LHFPL2: variants seen among roughly 807,000 people sequenced by gnomAD.
LHFPL2 encodes the protein LHFPL tetraspan subfamily member 2.
LHFPL2 carries 7 observed loss-of-function variants against 17.5 expected under a neutral mutation model. The observed-to-expected ratio is 0.40, with a 90% confidence interval of 0.23 to 0.75. The LOEUF is 0.75. LHFPL2 is among the 30% of genes least tolerant of loss of function. The pLI, the probability that LHFPL2 is intolerant of heterozygous loss-of-function variation, is 0.37. For missense variants in LHFPL2, 241 were observed against 294.8 expected, an observed-to-expected ratio of 0.82 and a Z score of 1.34; for synonymous variants, 134 against 116.2, an observed-to-expected ratio of 1.15 and a Z score of -0.99.
chr5:78,590,287 C>G (rs551947134), intron 2 of LHFPL2: 1 of 152,200 alleles, frequency 6.6e-6, no homozygotes, highest in South Asian at 2.1e-4. Context: ...CATTATCTTT[C>G]CGCCTTGACA....
chr5:78,507,969 CACACACAT>C (rs1279609324), intron 4 of LHFPL2, among the ~76,000 whole-genome samples: 6 of 151,064 alleles, frequency 4.0e-5, no homozygotes, highest in African/African-American at 1.2e-4. Flanking sequence ...CACACACACA[CACACACAT>C]GCCCCTGAGG....
chr5:78,612,419 A>G (rs1744451225), intron 2 of LHFPL2, among the ~76,000 whole-genome samples: 1 of 152,232 alleles, frequency 6.6e-6, no homozygotes, highest in Non-Finnish European at 1.5e-5. Flanking sequence ...AAATATGACT[A>G]CTATTTATCC....
intron 3 of LHFPL2, among the ~76,000 whole-genome samples, chr5:78,549,352 G>A (rs968913179): frequency 6.6e-6 from 1 of 152,232 alleles, no homozygotes; most frequent in Admixed American, 6.5e-5. Context: ...GCCATGAAGG[G>A]AAGTCAGAAG....
chr5:78,617,328 C>G (rs1022920664), intron 2 of LHFPL2, among the ~76,000 whole-genome samples: 1 of 152,190 alleles, frequency 6.6e-6, no homozygotes, highest in Non-Finnish European at 1.5e-5. Context: ...CCATGCCCAG[C>G]CTAGAGTTCC....
chr5:78,596,953 C>T (rs1363638718), intron 2 of LHFPL2, among the ~76,000 whole-genome samples: 3 of 152,128 alleles, frequency 2.0e-5, no homozygotes, highest in African/African-American at 7.2e-5. Context: ...AAAAATTTAA[C>T]CTCATAAAAA....
intron 1 of LHFPL2, chr5:78,644,590 T>C (rs776491332): frequency 6.7e-6 from 3 of 451,050 alleles, no homozygotes; most frequent in Non-Finnish European, 1.2e-5. Context: ...CTCGAACTTC[T>C]TTTTTGTCTC....
At chr5:78,584,995 GTTTTTTTT>G (rs1163195083) in intron 2 of LHFPL2, among the ~76,000 whole-genome samples, 1 of 40,502 alleles carries the variant, frequency 2.5e-5, no homozygotes, top group Non-Finnish European at 5.7e-5. Context: ...GGTGCGCTGT[GTTTTTTTT>G]TTTTTTTTTT....
intron 2 of LHFPL2, among the ~76,000 whole-genome samples, chr5:78,621,462 T>A (rs1032711749): frequency 1.6e-4 from 24 of 151,988 alleles, no homozygotes; most frequent in African/African-American, 5.8e-4. Context: ...ATACTCTCTC[T>A]CACACACCCT....
chr5:78,532,323 G>T (rs934190188), intron 3 of LHFPL2, among the ~76,000 whole-genome samples: 2 of 152,152 alleles, frequency 1.3e-5, no homozygotes, highest in Non-Finnish European at 2.9e-5. Flanking sequence ...GCCTCCTAAA[G>T]TCCTGGGACT....
intron 2 of LHFPL2, among the ~76,000 whole-genome samples, chr5:78,627,233 T>A (rs1376316712): frequency 6.6e-6 from 1 of 152,198 alleles, no homozygotes; most frequent in Non-Finnish European, 1.5e-5. Flanking sequence ...GCAAGACTCC[T>A]GACGAGGCAG....
intron 2 of LHFPL2, among the ~76,000 whole-genome samples, chr5:78,593,300 AG>A (rs1365510755): frequency 1.3e-5 from 2 of 152,152 alleles, no homozygotes; most frequent in Non-Finnish European, 2.9e-5. Flanking sequence ...TAAGACATCT[AG>A]GTTCCTGGAA....
chr5:78,579,414 C>T lies in LHFPL2; in HGVS notation c.-244-14543G>A, dbSNP rs1742996687. Reference sequence around the variant, plus strand: ...TGTGCAGGTTAGTTACATATGTATACATGTGCCATGCTGGTGCGCTGCACC... The same window carrying T: ...TGTGCAGGTTAGTTACATATGTATATATGTGCCATGCTGGTGCGCTGCACC... On this transcript the variant is annotated intron_variant, in intron 2 of 4. Coordinates refer to ENST00000380345, the MANE Select transcript of LHFPL2 (RefSeq NM_005779.3). Among the ~76,000 whole-genome samples the T allele has an allele frequency of 2.0e-5, 3 of 152,064 alleles. No homozygotes were observed. The South Asian group carries it at 6.2e-4, about 32-fold the overall frequency.
At position 78,488,529 on chromosome 5, in the gene LHFPL2, T is replaced by G; in HGVS notation, c.*368A>C. 1 of 264,168 alleles carries G rather than the reference T, an allele frequency of 3.8e-6. No homozygotes were observed. Among genetic ancestry groups the G allele is most frequent in the Non-Finnish European group, 7.4e-6 (1 of 134,366 alleles). 16.4% of individuals were successfully genotyped at this position (264,168 alleles called of 1,614,324 possible). A position where few individuals can be genotyped will look rare whatever the true frequency, so the allele number is the denominator to read the frequency against. On this transcript the variant is annotated 3_prime_UTR_variant, in exon 5 of 5. Transcript: ENST00000380345. ...CAGAGATGCTCACAAGCAAGCAGTG[T>G]TGGAGCAGAAACAGCCTGCAGATCT... is the stretch of plus-strand genomic sequence containing the variant.
rs1754242335 is a variant in LHFPL2 at position 78,486,400 on chromosome 5, TAAG to T, written c.*2494_*2496del. 1 of 152,110 alleles carries T rather than the reference TAAG, an allele frequency of 6.6e-6. No homozygotes were observed. Among genetic ancestry groups the T allele is most frequent in the Admixed American group, 6.5e-5 (1 of 15,272 alleles). The allele number at this position is 152,110 out of a possible 1,614,324, so 9.4% of individuals were successfully genotyped here. A position where few individuals can be genotyped will look rare whatever the true frequency, so the allele number is the denominator to read the frequency against. ...ATAATGGTCCTATTTATTAGAAAAA[TAAG>T]TGTGAGCCAACAATCTATTTTTAAC... On this transcript the variant is annotated 3_prime_UTR_variant, in exon 5 of 5. Coordinates refer to ENST00000380345, the MANE Select transcript of LHFPL2 (RefSeq NM_005779.3).
chr5:78,637,559 G>A (rs1002231523), intron 1 of LHFPL2, among the ~76,000 whole-genome samples: 3 of 152,230 alleles, frequency 2.0e-5, no homozygotes. Context: ...CATCCTGATA[G>A]AGGCCAGCCC....
At chr5:78,629,087 A>G (rs1477339372) in intron 2 of LHFPL2, among the ~76,000 whole-genome samples, 3 of 152,210 alleles carry the variant, frequency 2.0e-5, no homozygotes, top group African/African-American at 7.2e-5. Context: ...AAGATGGATG[A>G]GGACTTTTTT....
At chr5:78,615,716 G>A (rs978487666) in intron 2 of LHFPL2, among the ~76,000 whole-genome samples, 1 of 152,166 alleles carries the variant, frequency 6.6e-6, no homozygotes, top group African/African-American at 2.4e-5. Flanking sequence ...AAAACCTCAT[G>A]CTGGGACTAG....
rs905801049 is a variant in LHFPL2 at position 78,509,562 on chromosome 5, C to T, written c.430+222G>A. On this transcript the variant is annotated intron_variant, in intron 4 of 4. Coordinates refer to ENST00000380345, the MANE Select transcript of LHFPL2 (RefSeq NM_005779.3). ...AAGCAATGAGGAGGACCACGTAAGA[C>T]CAGAGAACAAGCCTGTCTTCCTGTG... 1.8e-4 allele frequency among the ~76,000 whole-genome samples: 27 copies of T among 152,174 alleles called. 1 individual carries two copies. The highest frequency in any genetic ancestry group is 1.6e-3 in the Admixed American group (24 of 15,276).
intron 3 of LHFPL2, among the ~76,000 whole-genome samples, chr5:78,545,131 T>C (rs1326715895): frequency 2.0e-5 from 3 of 152,206 alleles, no homozygotes; most frequent in Non-Finnish European, 4.4e-5. Context: ...AGGCGGATCA[T>C]ACACTTTCAC....
Sources: gnomAD v4.1 joint callset for allele counts (sites outside exome capture counted in the v4.1 genomes callset) on GRCh38, gnomAD v4.1.1 for gene constraint, MANE v1.5 for transcripts, NCBI Gene and HGNC (gene_info 2026-07-23, HGNC 2026-07-21) for gene names.